The following RUNX3 variants were observed in gnomAD, a reference collection of about 807,000 sequenced individuals.
The protein encoded by RUNX3 is runt-related transcription factor 3.
Under a neutral mutation model 27.7 loss-of-function variants are expected in RUNX3, and 10 were observed. That is an observed-to-expected ratio of 0.36 (90% CI 0.22 to 0.61). The LOEUF (loss-of-function observed/expected upper bound fraction) is 0.61. RUNX3 is among the 20% of genes least tolerant of loss of function. The pLI is 0.72. For synonymous variants in RUNX3, 270 were observed against 269.2 expected, an observed-to-expected ratio of 1.00 and a Z score of -0.03; for missense variants, 469 against 629.5, an observed-to-expected ratio of 0.75 and a Z score of 2.73.
intron 2 of RUNX3, among the ~76,000 whole-genome samples, chr1:24,958,414 A>T (rs1416812847): frequency 6.6e-6 from 1 of 151,818 alleles, no homozygotes; most frequent in African/African-American, 2.4e-5. Context: ...AAGACCACAC[A>T]CCTCTTTAGA....
chr1:24,935,492 C>A (rs1189174137), intron 2 of RUNX3, among the ~76,000 whole-genome samples: 2 of 152,194 alleles, frequency 1.3e-5, no homozygotes, highest in African/African-American at 2.4e-5. Context: ...TCAGAGGGTG[C>A]TCTGCTTTGA....
At chr1:24,960,113 A>G (rs1642065959) in intron 2 of RUNX3, among the ~76,000 whole-genome samples, 1 of 151,848 alleles carries the variant, frequency 6.6e-6, no homozygotes, top group Non-Finnish European at 1.5e-5. Context: ...CTCCCAAAAA[A>G]CCTTTGTCAC....
intron 2 of RUNX3, among the ~76,000 whole-genome samples, chr1:24,956,078 A>G (rs1641915216): frequency 6.6e-6 from 1 of 152,204 alleles, no homozygotes; most frequent in South Asian, 2.1e-4. Flanking sequence ...CCCGGGGCAG[A>G]CCCTTGCTCC....
At chr1:24,941,257 A>G (rs1257011498) in intron 2 of RUNX3, among the ~76,000 whole-genome samples, 1 of 152,130 alleles carries the variant, frequency 6.6e-6, no homozygotes, top group Non-Finnish European at 1.5e-5. Context: ...GTAGCCCTTC[A>G]GGTATGTGTC....
chr1:24,958,094 AG>A (rs1641993841), intron 2 of RUNX3, among the ~76,000 whole-genome samples: 1 of 152,114 alleles, frequency 6.6e-6, no homozygotes, highest in African/African-American at 2.4e-5. Flanking sequence ...GCTGGCGCAG[AG>A]GGGCCCGAGC....
intron 2 of RUNX3, among the ~76,000 whole-genome samples, chr1:24,956,433 CTT>C (rs1378361336): frequency 6.6e-6 from 1 of 152,208 alleles, no homozygotes; most frequent in Non-Finnish European, 1.5e-5. Flanking sequence ...TCCCTCTAGT[CTT>C]TTTTCTGAGG....
In RUNX3 at chr1:24,942,175, G is replaced by C. The variant is rs576758010; in HGVS notation, c.59-12323C>G. Among the ~76,000 whole-genome samples the C allele has an allele frequency of 6.0e-5, 9 of 150,254 alleles. No homozygotes were observed. In the South Asian group the frequency reaches 1.0e-3, roughly 17 times the overall value. On this transcript the variant is annotated intron_variant, in intron 2 of 6. Coordinates refer to the RUNX3 transcript ENST00000338888. ...CCTTAGCAGCTCTGAGCTTAGATGA[G>C]GGGGGGAGATGAGATGGAAAGGAAA...
intron 2 of RUNX3, among the ~76,000 whole-genome samples, chr1:24,920,214 CT>C (rs60076928): frequency 0.056 from 8,103 of 144,262 alleles, 559 homozygotes; most frequent in African/African-American, 0.17. Flanking sequence ...TAAAATACTA[CT>C]TTTTTTTTTT....
chr1:24,937,351 C>A (rs1231333478), intron 2 of RUNX3, among the ~76,000 whole-genome samples: 2 of 152,170 alleles, frequency 1.3e-5, no homozygotes, highest in Non-Finnish European at 2.9e-5. Flanking sequence ...TTGTACTGGG[C>A]CCCCCAAATT....
At chr1:24,918,682 G>A (rs574831012) in intron 3 of RUNX3, among the ~76,000 whole-genome samples, 1 of 152,260 alleles carries the variant, frequency 6.6e-6, no homozygotes, top group South Asian at 2.1e-4. Context: ...CCTTCAGCAA[G>A]CAGAGAGAAT....
intron 3 of RUNX3, among the ~76,000 whole-genome samples, chr1:24,914,371 C>T (rs879823192): frequency 2.2e-4 from 34 of 152,340 alleles, no homozygotes; most frequent in South Asian, 4.1e-4. Flanking sequence ...CAGGGTGGGG[C>T]GCCGGGCCCG....
intron 2 of RUNX3, among the ~76,000 whole-genome samples, chr1:24,947,238 A>G (rs1349697112): frequency 2.6e-5 from 4 of 152,100 alleles, no homozygotes; most frequent in African/African-American, 9.7e-5. Flanking sequence ...GCTGCCTGCT[A>G]CCTGGCTGCC....
chr1:24,902,663 G>A lies in RUNX3; in HGVS notation c.707C>T (p.Thr236Ile). The change falls in exon 5 of 5, where the codon ACC (threonine) becomes ATC (isoleucine). Residue 236 changes from threonine to isoleucine, a missense_variant. This residue lies in a region of RUNX3 where 279 missense variants were observed against 343.0 expected (regional missense o/e 0.81). Transcript: ENST00000308873. This position sits in a 1 kb window ranked among gnomAD's most constrained non-coding sequence, Gnocchi z 9.2. The stretch of plus-strand genomic sequence containing the variant: ...GTCGGAGAATGGGTTCAGTTCCGAG[G>A]TGCCTGGAGGACAGCAGGGAAGAGG... Reference protein sequence around the residue: ...SSQPQTPIQGTSELNPFSDPR... With the variant: ...SSQPQTPIQGISELNPFSDPR... The A allele has an allele frequency of 1.3e-6, 2 of 1,515,768 alleles. No homozygotes were observed. Among genetic ancestry groups the A allele is most frequent in the Non-Finnish European group, 1.8e-6 (2 of 1,130,580 alleles). The allele number at this position is 1,515,768 out of a possible 1,614,324, so 93.9% of individuals were successfully genotyped here.
At chr1:24,948,760 G>A (rs1401882837) in intron 2 of RUNX3, among the ~76,000 whole-genome samples, 6 of 151,888 alleles carry the variant, frequency 4.0e-5, no homozygotes, top group Non-Finnish European at 8.8e-5. Flanking sequence ...GTGCATGTGG[G>A]GGAGGGGCAT....
At chr1:24,934,365 A>G (rs979147015), upstream of RUNX3, among the ~76,000 whole-genome samples, 1 of 152,118 alleles carries the variant, frequency 6.6e-6, no homozygotes, top group Non-Finnish European at 1.5e-5. Context: ...CTCAAATTAC[A>G]GAGATCTTTC....
Position 24,962,739 on chromosome 1 carries a change from A to G in RUNX3, c.58+1775T>C, listed in dbSNP as rs1642149940. Among the ~76,000 whole-genome samples, 4 of 152,194 alleles carry G rather than the reference A, an allele frequency of 2.6e-5. No homozygotes were observed. The highest frequency in any genetic ancestry group is 5.9e-5 in the Non-Finnish European group (4 of 68,032). On this transcript the variant is annotated intron_variant, in intron 2 of 6. Coordinates refer to the RUNX3 transcript ENST00000338888. This position sits in a 1 kb window ranked among gnomAD's most constrained non-coding sequence, Gnocchi z 4.5. ...CCAGCGGCCTCCTGTCTCTGGGCGC[A>G]TACATGACATGTTGGGCCAAAGCCA...
upstream of RUNX3, among the ~76,000 whole-genome samples, chr1:24,931,656 G>T (rs1641231620): frequency 6.6e-6 from 1 of 152,120 alleles, no homozygotes; most frequent in African/African-American, 2.4e-5. Context: ...GACGGTGGCC[G>T]CAAGATCTCA....
upstream of RUNX3, among the ~76,000 whole-genome samples, chr1:24,933,472 G>A (rs952694367): frequency 1.3e-5 from 2 of 152,098 alleles, no homozygotes; most frequent in African/African-American, 4.8e-5. Flanking sequence ...CTCTCTCTGG[G>A]CCTCACACTT....
Position 24,929,931 on chromosome 1 carries a change from C to T in RUNX3, c.-63G>A. On this transcript the variant is annotated 5_prime_UTR_variant, in exon 1 of 5. Transcript: ENST00000308873. Reference sequence around the variant, plus strand: ...CGCGGCTTCCCCCGGGGGCGGCCGGCGCGGGCGCCTCCTCGGCCGCCGCTG... The same window carrying T: ...CGCGGCTTCCCCCGGGGGCGGCCGGTGCGGGCGCCTCCTCGGCCGCCGCTG... 2 of 1,221,808 alleles carry T rather than the reference C, an allele frequency of 1.6e-6. No homozygotes were observed. The highest frequency in any genetic ancestry group is 3.4e-5 in the East Asian group (1 of 29,732). 75.7% of individuals were successfully genotyped at this position (1,221,808 alleles called of 1,614,324 possible).
Sources: gnomAD v4.1 joint callset for allele counts (sites outside exome capture counted in the v4.1 genomes callset) on GRCh38, gnomAD v4.1.1 for gene constraint, gnomAD v4.1.1 regional missense constraint, Gnocchi (gnomAD v3.1) non-coding constraint, MANE v1.5 for transcripts, NCBI Gene and HGNC (gene_info 2026-07-23, HGNC 2026-07-21) for gene names.